The following RBFOX1 variants were observed in gnomAD, a reference collection of about 807,000 sequenced individuals.
RBFOX1 encodes the protein RNA binding fox-1 homolog 1.
RBFOX1 carries 8 observed loss-of-function variants against 57.7 expected under a neutral mutation model. The ratio of observed to expected loss-of-function variants is 0.14; its 90% confidence interval spans 0.08 to 0.25. The LOEUF (loss-of-function observed/expected upper bound fraction) is 0.25, where lower values mean the gene tolerates loss of function less well. Ranked by LOEUF, RBFOX1 falls within the 10% of genes least tolerant of loss-of-function variation. The pLI is 1.00. For missense variants in RBFOX1, 611 were observed against 548.5 expected (o/e 1.11, Z -1.14); for synonymous variants, 326 against 222.4 (o/e 1.47, Z -4.15).
At chr16:5,938,912 G>A (rs1202955161) in intron 4 of RBFOX1, among the ~76,000 whole-genome samples, 3 of 152,174 alleles carry the variant, frequency 2.0e-5, no homozygotes, top group Admixed American at 2.0e-4. Context: ...TGGCTATTAT[G>A]TTAAAAAAGG....
At chr16:5,863,112 G>T (rs1465186299) in intron 3 of RBFOX1, among the ~76,000 whole-genome samples, 1 of 152,126 alleles carries the variant, frequency 6.6e-6, no homozygotes, top group Non-Finnish European at 1.5e-5. Flanking sequence ...CTTGGGCAAG[G>T]CTCTTTATGT....
At chr16:6,308,686 G>A (rs2079852476) in intron 1 of RBFOX1, among the ~76,000 whole-genome samples, 1 of 152,188 alleles carries the variant, frequency 6.6e-6, no homozygotes, top group Non-Finnish European at 1.5e-5. Flanking sequence ...CGTTTGGTAT[G>A]CATTGGATGC....
At chr16:5,853,447 T>G (rs1229646591) in intron 3 of RBFOX1, among the ~76,000 whole-genome samples, 1 of 152,224 alleles carries the variant, frequency 6.6e-6, no homozygotes, top group African/African-American at 2.4e-5. Context: ...GAGCCAGGTC[T>G]GGTCTCAGCC....
intron 4 of RBFOX1, among the ~76,000 whole-genome samples, chr16:7,399,650 C>T (rs1468862518): frequency 2.6e-5 from 4 of 151,990 alleles, no homozygotes; most frequent in African/African-American, 9.7e-5. Flanking sequence ...TATGGCATTC[C>T]CCTCTATGTC....
At chr16:7,570,052 T>C (rs1347822103) in intron 5 of RBFOX1, among the ~76,000 whole-genome samples, 1 of 152,154 alleles carries the variant, frequency 6.6e-6, no homozygotes, top group African/African-American at 2.4e-5. Context: ...AAATACAAGA[T>C]TTCAAAGACA....
At chr16:7,291,051 G>C (rs1245351006) in intron 4 of RBFOX1, among the ~76,000 whole-genome samples, 1 of 152,176 alleles carries the variant, frequency 6.6e-6, no homozygotes, top group East Asian at 1.9e-4. Context: ...CATTAAAGCA[G>C]TTTCAGCCAA....
chr16:6,238,969 G>T (rs1194303380), intron 1 of RBFOX1, among the ~76,000 whole-genome samples: 1 of 151,874 alleles, frequency 6.6e-6, no homozygotes, highest in Non-Finnish European at 1.5e-5. Flanking sequence ...TCACCCTGTT[G>T]TGCTGTAAGG....
At chr16:7,192,564 A>G (rs903182495) in intron 4 of RBFOX1, among the ~76,000 whole-genome samples, 3 of 152,208 alleles carry the variant, frequency 2.0e-5, no homozygotes, top group Non-Finnish European at 4.4e-5. Flanking sequence ...ACAGCAAAAT[A>G]CTATGTGAAA....
At chr16:5,593,908 A>T (rs997596177) in intron 2 of RBFOX1, among the ~76,000 whole-genome samples, 1 of 152,032 alleles carries the variant, frequency 6.6e-6, no homozygotes, top group African/African-American at 2.4e-5. Context: ...AGAGGTACTG[A>T]CCCCATTTGT....
intron 2 of RBFOX1, among the ~76,000 whole-genome samples, chr16:5,532,176 G>A (rs1171865878): frequency 1.3e-5 from 2 of 152,104 alleles, no homozygotes; most frequent in African/African-American, 4.8e-5. Context: ...AAAATTCTTG[G>A]TCATGGTTGG....
chr16:6,784,816 C>T lies in RBFOX1; in HGVS notation c.-16+130166C>T, dbSNP rs369873892. Among the ~76,000 whole-genome samples, 6 of 152,000 alleles carry T rather than the reference C, an allele frequency of 3.9e-5. No individual in the cohort carries two copies. In the South Asian group the frequency reaches 1.0e-3, roughly 26 times the overall value. On this transcript the variant is annotated intron_variant, in intron 3 of 15. Transcript: ENST00000550418. ...TCTATTTAGCCATCTTGTTCCACCTCATATATTTCATTGTTTTAAGAAAAA... is the reference window on the plus strand; with the variant it reads ...TCTATTTAGCCATCTTGTTCCACCTTATATATTTCATTGTTTTAAGAAAAA...
chr16:7,385,744 T>G (rs1052682522), intron 4 of RBFOX1, among the ~76,000 whole-genome samples: 17 of 151,948 alleles, frequency 1.1e-4, no homozygotes, highest in Middle Eastern at 3.2e-3. Flanking sequence ...TGTGAGACTT[T>G]TAGCTTTTAA....
intron 1 of RBFOX1, among the ~76,000 whole-genome samples, chr16:6,179,805 G>A (rs2097048186): frequency 6.6e-6 from 1 of 152,204 alleles, no homozygotes; most frequent in Admixed American, 6.5e-5. Flanking sequence ...TGTGGGTTGA[G>A]AATTTGGGAG....
chr16:7,594,439 C>A (rs113891257), intron 7 of RBFOX1, among the ~76,000 whole-genome samples: 1 of 152,022 alleles, frequency 6.6e-6, no homozygotes, highest in Non-Finnish European at 1.5e-5. Flanking sequence ...GGAAATTGTT[C>A]GAAAGGTTGG....
At chr16:5,497,638 A>AAAAAAAAAAAAAAAAAAAAAAAAAAAAAT (rs71142625) in intron 2 of RBFOX1, among the ~76,000 whole-genome samples, 4 of 139,400 alleles carry the variant, frequency 2.9e-5, no homozygotes, top group Admixed American at 7.0e-5. Context: ...AAAAAAAAAA[A>AAAAAAAAAAAAAAAAAAAAAAAAAAAAAT]GCTGGGCATG....
chr16:7,518,967 G>A (rs77398532), intron 5 of RBFOX1, among the ~76,000 whole-genome samples: 6,124 of 152,262 alleles, frequency 0.04, 172 homozygotes, highest in African/African-American at 0.072. Flanking sequence ...AGGCTGCAGT[G>A]AGCTAAGATT....
intron 3 of RBFOX1, among the ~76,000 whole-genome samples, chr16:6,851,861 A>T (rs1471984222): frequency 6.6e-6 from 1 of 151,568 alleles, no homozygotes; most frequent in Non-Finnish European, 1.5e-5. Context: ...TAGAACAGGG[A>T]CACCACTATC....
intron 4 of RBFOX1, among the ~76,000 whole-genome samples, chr16:7,263,356 A>G (rs932139010): frequency 3.9e-5 from 6 of 152,074 alleles, no homozygotes; most frequent in African/African-American, 9.7e-5. Flanking sequence ...CAGAATTTCG[A>G]TGTTCTCAGG....
intron 4 of RBFOX1, among the ~76,000 whole-genome samples, chr16:5,891,208 C>CTCTT (rs397836239): frequency 2.0e-5 from 3 of 152,058 alleles, no homozygotes; most frequent in South Asian, 2.1e-4. Context: ...TCCTCTCTCT[C>CTCTT]GTGCATGTGA....
Sources: gnomAD v4.1 joint callset for allele counts (sites outside exome capture counted in the v4.1 genomes callset) on GRCh38, gnomAD v4.1.1 for gene constraint, MANE v1.5 for transcripts, NCBI Gene and HGNC (gene_info 2026-07-23, HGNC 2026-07-21) for gene names.